SNX29: variants seen among roughly 807,000 people sequenced by gnomAD.
The protein encoded by SNX29 is sorting nexin 29.
A neutral mutation model predicts 102.1 loss-of-function variants in SNX29; 78 were observed. The observed-to-expected ratio is 0.76, with a 90% CI of 0.64 to 0.92. The LOEUF (loss-of-function observed/expected upper bound fraction) is 0.92, where lower values mean the gene tolerates loss of function less well. SNX29 is among the 40% of genes least tolerant of loss of function. The pLI, the probability that SNX29 is intolerant of heterozygous loss-of-function variation, is 0.00. For synonymous variants in SNX29, 580 were observed against 414.5 expected, an observed-to-expected ratio of 1.40 and a Z score of -4.85; for missense variants, 1,280 against 1,061.7, an observed-to-expected ratio of 1.21 and a Z score of -2.86.
chr16:12,148,384 A>G (rs939639011), intron 13 of SNX29, among the ~76,000 whole-genome samples: 14 of 152,214 alleles, frequency 9.2e-5, no homozygotes, highest in African/African-American at 3.4e-4. Flanking sequence ...TTAGGGCTGA[A>G]CTAAATCCAC....
intron 20 of SNX29, among the ~76,000 whole-genome samples, chr16:12,556,949 C>T (rs969538810): frequency 1.3e-4 from 2 of 15,374 alleles, no homozygotes; most frequent in South Asian, 9.8e-4. Context: ...GCCGCTCAGG[C>T]TCAGTCTTCC....
chr16:12,170,483 G>A (rs529430189), intron 13 of SNX29, among the ~76,000 whole-genome samples: 10 of 152,062 alleles, frequency 6.6e-5, no homozygotes, highest in Admixed American at 5.9e-4. Context: ...GTGGATGGGT[G>A]TGCCTGCCTG....
chr16:12,214,590 C>G (rs1176487844), intron 14 of SNX29, among the ~76,000 whole-genome samples: 3 of 151,710 alleles, frequency 2.0e-5, no homozygotes, highest in African/African-American at 4.8e-5. Context: ...TTTTCTCAGA[C>G]TGAATGGAAG....
At chr16:11,990,995 G>A (rs2055827004) in intron 1 of SNX29, among the ~76,000 whole-genome samples, 1 of 152,244 alleles carries the variant, frequency 6.6e-6, no homozygotes, top group African/African-American at 2.4e-5. Context: ...GGTAGTGACA[G>A]CAACCCTTTG....
chr16:12,398,421 C>T, intron 16 of SNX29, 25 bp from the exon 17 acceptor site: 1 of 1,613,348 alleles, frequency 6.2e-7, no homozygotes, highest in Non-Finnish European at 8.5e-7. Flanking sequence ...TTTTTTCTCC[C>T]CTCTCCCCCT....
intron 19 of SNX29, among the ~76,000 whole-genome samples, chr16:12,512,813 G>A (rs9921929): frequency 6.6e-6 from 1 of 152,144 alleles, no homozygotes; most frequent in African/African-American, 2.4e-5. Flanking sequence ...AACTGAATCC[G>A]ATCCCATGGA....
In SNX29 at chr16:12,118,313, C is replaced by CTTTCTTT. The variant is rs1286174976; in HGVS notation, c.1403-8317_1403-8316insCTTTTTT. On this transcript the variant is annotated intron_variant, in intron 11 of 20. Transcript: ENST00000566228. ...TGTAGATAGTAGATATACAGACCAC[C>CTTTCTTT]TTTTTTTTTTTTTTTTTTTTTTTAT... Among the ~76,000 whole-genome samples, 159 of 86,112 alleles carry CTTTCTTT rather than the reference C, an allele frequency of 1.8e-3. No individual in the cohort carries two copies. The East Asian group carries it at 0.022, about 12-fold the overall frequency. The allele number at this position is 86,112 out of a possible 152,430, so 56.5% of individuals were successfully genotyped here.
chr16:12,229,554 C>A (rs2077710590), intron 14 of SNX29, among the ~76,000 whole-genome samples: 1 of 151,982 alleles, frequency 6.6e-6, no homozygotes, highest in African/African-American at 2.4e-5. Flanking sequence ...AAACCTTCTT[C>A]CTACCATTTT....
chr16:12,166,165 C>G lies in SNX29; in HGVS notation c.1596-33436C>G, dbSNP rs114789058. 1.4e-3 allele frequency among the ~76,000 whole-genome samples: 209 copies of G among 152,338 alleles called. 1 individual carries two copies. Among genetic ancestry groups the G allele is most frequent in the African/African-American group, 4.9e-3 (204 of 41,578 alleles). ...ATTTGGTGGTTTGCCAAAGTGGATA[C>G]ATTAATTCATTGATGAAACAAACAT... On this transcript the variant is annotated intron_variant, in intron 13 of 20. Transcript: ENST00000566228.
chr16:12,497,970 A>C (rs185910293), intron 19 of SNX29, among the ~76,000 whole-genome samples: 91 of 152,298 alleles, frequency 6.0e-4, no homozygotes, highest in African/African-American at 2.1e-3. Context: ...TCCCCAAGGA[A>C]AGGCTGTAGC....
At chr16:12,285,219 C>G (rs79857165) in intron 15 of SNX29, among the ~76,000 whole-genome samples, 2,871 of 152,298 alleles carry the variant, frequency 0.019, 111 homozygotes, top group African/African-American at 0.066. Flanking sequence ...TTTAGCAGGG[C>G]TTAGCTCCCT....
At chr16:12,541,780 C>T (rs1052750681) in intron 20 of SNX29, among the ~76,000 whole-genome samples, 1 of 152,138 alleles carries the variant, frequency 6.6e-6, no homozygotes, top group Non-Finnish European at 1.5e-5. Context: ...CGTTTCCAAC[C>T]CCCTGGAATG....
chr16:12,210,176 T>C (rs2077146083), intron 14 of SNX29, among the ~76,000 whole-genome samples: 1 of 152,152 alleles, frequency 6.6e-6, no homozygotes, highest in Non-Finnish European at 1.5e-5. Flanking sequence ...AGGGTGTGTG[T>C]GTGTCTTGGT....
intron 11 of SNX29, among the ~76,000 whole-genome samples, chr16:12,125,470 C>T (rs1212087334): frequency 6.6e-6 from 1 of 151,932 alleles, no homozygotes; most frequent in Non-Finnish European, 1.5e-5. Context: ...GTGTATGGGA[C>T]CTGGGAGGGT....
Position 12,477,727 on chromosome 16 carries a change from C to G in SNX29, c.2046C>G (p.Ile682Met). 1 of 1,611,586 alleles carries G rather than the reference C, an allele frequency of 6.2e-7. No individual in the cohort carries two copies. The highest frequency in any genetic ancestry group is 2.2e-5 in the East Asian group (1 of 44,852). Residue 682 changes from isoleucine (I) to methionine (M), a missense_variant, in exon 19 of 21, where the codon ATC becomes ATG. Coordinates refer to ENST00000566228, the MANE Select transcript of SNX29 (RefSeq NM_032167.5). ...TTTCTCTTTCTTGACAGGTCTACATCCGGATAAAAGACGATGAATGGAATA... is the reference window on the plus strand; with the variant it reads ...TTTCTCTTTCTTGACAGGTCTACATGCGGATAAAAGACGATGAATGGAATA... ...ANAFHVYQVYIRIKDDEWNIY... is the reference protein window; with the variant it reads ...ANAFHVYQVYMRIKDDEWNIY...
chr16:12,263,371 G>A (rs2078836669), intron 14 of SNX29, among the ~76,000 whole-genome samples: 1 of 152,120 alleles, frequency 6.6e-6, no homozygotes, highest in African/African-American at 2.4e-5. Context: ...CAGGTGGCCC[G>A]CCCGCCTTGG....
intron 15 of SNX29, among the ~76,000 whole-genome samples, chr16:12,288,011 C>G (rs1052656686): frequency 2.8e-4 from 43 of 152,152 alleles, no homozygotes; most frequent in African/African-American, 1.0e-3. Context: ...TGTAGTGAGA[C>G]CCTGTAATTA....
chr16:12,549,648 G>C (rs1346341139), intron 20 of SNX29, among the ~76,000 whole-genome samples: 1 of 152,224 alleles, frequency 6.6e-6, no homozygotes, highest in Non-Finnish European at 1.5e-5. Context: ...CATAGCTGCC[G>C]AAACCAGCTT....
intron 13 of SNX29, among the ~76,000 whole-genome samples, chr16:12,185,449 T>G (rs1190506526): frequency 1.3e-5 from 2 of 152,160 alleles, no homozygotes; most frequent in Non-Finnish European, 2.9e-5. Context: ...CCACCTTCTT[T>G]CCCTCCCTCC....
Sources: allele counts gnomAD v4.1 joint callset (sites outside exome capture counted in the v4.1 genomes callset), GRCh38; gene constraint gnomAD v4.1.1; transcripts MANE v1.5; gene names NCBI Gene and HGNC (gene_info 2026-07-23, HGNC 2026-07-21).